Variants in LMBR1 observed in about 807,000 individuals in gnomAD.
The protein encoded by LMBR1 is limb region 1 protein homolog.
Under a neutral mutation model 73.9 loss-of-function variants are expected in LMBR1, and 52 were observed. The observed-to-expected ratio is 0.70, with a 90% CI of 0.56 to 0.89. LMBR1 has a LOEUF of 0.89. Among genes scored for constraint, LMBR1 ranks in the 40% least tolerant of loss-of-function variants. LMBR1 has a pLI of 0.00. For missense variants in LMBR1, 539 were observed against 579.8 expected, an observed-to-expected ratio of 0.93 and a Z score of 0.72; for synonymous variants, 215 against 209.4, an observed-to-expected ratio of 1.03 and a Z score of -0.23.
chr7:156,864,056 AG>A (rs750250111), intron 1 of LMBR1, among the ~76,000 whole-genome samples: 2 of 152,174 alleles, frequency 1.3e-5, no homozygotes, highest in Non-Finnish European at 2.9e-5. Flanking sequence ...CGGGAGGCTG[AG>A]GCATGAGAAT....
intron 5 of LMBR1, among the ~76,000 whole-genome samples, chr7:156,783,984 T>C (rs949799723): frequency 1.3e-5 from 2 of 148,450 alleles, no homozygotes; most frequent in Admixed American, 1.3e-4. Context: ...TTTTGTTATT[T>C]TGGGTTTTTT....
chr7:156,890,218 G>A (rs1453080499), intron 1 of LMBR1, among the ~76,000 whole-genome samples: 1 of 152,094 alleles, frequency 6.6e-6, no homozygotes. Context: ...ATTTAAATGA[G>A]AAGAGTAATT....
intron 16 of LMBR1, among the ~76,000 whole-genome samples, chr7:156,684,737 G>C (rs914907784): frequency 6.6e-6 from 1 of 152,206 alleles, no homozygotes; most frequent in Non-Finnish European, 1.5e-5. Context: ...TGGAAGGATC[G>C]TTTGAGCTGA....
chr7:156,677,455 A>G (rs113745915), downstream of LMBR1, among the ~76,000 whole-genome samples: 422 of 152,270 alleles, frequency 2.8e-3, 2 homozygotes, highest in South Asian at 0.014. Context: ...TTTGCCCCCG[A>G]GTCCCCAGTG....
chr7:156,737,761 C>T (rs1818153775), intron 9 of LMBR1, among the ~76,000 whole-genome samples: 1 of 151,870 alleles, frequency 6.6e-6, no homozygotes, highest in African/African-American at 2.4e-5. Flanking sequence ...CTATCTCTGC[C>T]AGGATATTGA....
At chr7:156,689,506 C>T (rs1806710514) in intron 15 of LMBR1, among the ~76,000 whole-genome samples, 1 of 152,100 alleles carries the variant, frequency 6.6e-6, no homozygotes, top group African/African-American at 2.4e-5. Context: ...ATAGCCTCTA[C>T]AAAAGCAGCT....
intron 4 of LMBR1, among the ~76,000 whole-genome samples, chr7:156,808,158 C>T (rs1266141985): frequency 6.6e-6 from 1 of 152,018 alleles, no homozygotes; most frequent in African/African-American, 2.4e-5. Context: ...TCTTCTATAT[C>T]GTGATTTTTT....
At chr7:156,877,521 C>T (rs1425966320) in intron 1 of LMBR1, among the ~76,000 whole-genome samples, 5 of 152,046 alleles carry the variant, frequency 3.3e-5, no homozygotes. Flanking sequence ...TAACCGAATC[C>T]AAAAACATAT....
chr7:156,855,769 A>C (rs1432565600), intron 1 of LMBR1, among the ~76,000 whole-genome samples: 1 of 152,142 alleles, frequency 6.6e-6, no homozygotes, highest in East Asian at 1.9e-4. Flanking sequence ...TACAGGAATA[A>C]AAATGCCTTA....
chr7:156,714,157 A>G (rs1270100252), intron 15 of LMBR1, among the ~76,000 whole-genome samples: 1 of 152,216 alleles, frequency 6.6e-6, no homozygotes, highest in Non-Finnish European at 1.5e-5. Context: ...TATGTGTGCT[A>G]AATGTTGTGT....
chr7:156,720,596 C>A (rs1814331966), intron 15 of LMBR1, among the ~76,000 whole-genome samples: 1 of 151,628 alleles, frequency 6.6e-6, no homozygotes, highest in Admixed American at 6.6e-5. Flanking sequence ...GCTTATTGCT[C>A]AGATATAAGA....
At chr7:156,872,129 T>C (rs1799392363) in intron 1 of LMBR1, 1 of 152,118 alleles carries the variant, frequency 6.6e-6, no homozygotes, top group Non-Finnish European at 1.5e-5. Flanking sequence ...TGAGGTGTGA[T>C]TACTGCTGAT....
chr7:156,888,136 C>T (rs954255388), intron 1 of LMBR1, among the ~76,000 whole-genome samples: 4 of 152,120 alleles, frequency 2.6e-5, no homozygotes, highest in South Asian at 4.1e-4. Flanking sequence ...AGAGGCCGGG[C>T]GTGGTGGCTC....
chr7:156,838,227 G>A (rs1345707410), intron 1 of LMBR1, among the ~76,000 whole-genome samples: 3 of 152,052 alleles, frequency 2.0e-5, no homozygotes, highest in Non-Finnish European at 4.4e-5. Flanking sequence ...AATTTTTTGT[G>A]ATGAGAACAC....
intron 4 of LMBR1, among the ~76,000 whole-genome samples, chr7:156,810,404 T>C (rs80037847): frequency 6.6e-6 from 1 of 152,128 alleles, no homozygotes; most frequent in East Asian, 1.9e-4. Flanking sequence ...TTTCTCTCTC[T>C]TTTTTTGAGA....
intron 15 of LMBR1, among the ~76,000 whole-genome samples, chr7:156,712,513 T>C (rs750491377): frequency 6.6e-6 from 1 of 152,208 alleles, no homozygotes; most frequent in Non-Finnish European, 1.5e-5. Context: ...CAGTACTGGG[T>C]ATCTACCCAA....
chr7:156,716,142 A>G (rs1286201643), intron 15 of LMBR1, among the ~76,000 whole-genome samples: 1 of 152,220 alleles, frequency 6.6e-6, no homozygotes, highest in Non-Finnish European at 1.5e-5. Flanking sequence ...GAGAAAGTCA[A>G]TACAGACAGG....
At chr7:156,862,599 A>G (rs543887569) in intron 1 of LMBR1, among the ~76,000 whole-genome samples, 2 of 152,330 alleles carry the variant, frequency 1.3e-5, no homozygotes, top group Admixed American at 6.5e-5. Flanking sequence ...GGACTTCATT[A>G]TAATTTAAAA....
downstream of LMBR1, chr7:156,675,676 C>A: frequency 3.8e-6 from 6 of 1,594,520 alleles, no homozygotes; most frequent in African/African-American, 1.3e-5. Flanking sequence ...TGAGCTTACC[C>A]GCCCCCGCCT....
Sources: allele counts gnomAD v4.1 joint callset (sites outside exome capture counted in the v4.1 genomes callset), GRCh38; gene constraint gnomAD v4.1.1; transcripts MANE v1.5; gene names NCBI Gene and HGNC (gene_info 2026-07-23, HGNC 2026-07-21).